The following ZBTB44 variants were observed in gnomAD, a reference collection of about 807,000 sequenced individuals.
The protein encoded by ZBTB44 is zinc finger and BTB domain-containing protein 44.
Under a neutral mutation model 54.0 loss-of-function variants are expected in ZBTB44, and 15 were observed. The ratio of observed to expected loss-of-function variants is 0.28; its 90% CI spans 0.19 to 0.43. The LOEUF is 0.43. Among genes scored for constraint, ZBTB44 ranks in the 20% least tolerant of loss-of-function variants. ZBTB44 has a pLI of 1.00. For synonymous variants in ZBTB44, 230 were observed against 250.1 expected, an observed-to-expected ratio of 0.92 and a Z score of 0.76; for missense variants, 487 against 707.1, an observed-to-expected ratio of 0.69 and a Z score of 3.53.
At chr11:130,271,262 G>A (rs926163926) in intron 1 of ZBTB44, among the ~76,000 whole-genome samples, 3 of 152,174 alleles carry the variant, frequency 2.0e-5, no homozygotes, top group African/African-American at 7.2e-5. Flanking sequence ...AGTATGAAAT[G>A]ATAATGTACT....
intron 2 of ZBTB44, among the ~76,000 whole-genome samples, chr11:130,255,830 G>C (rs1448423274): frequency 7.3e-6 from 1 of 137,318 alleles, no homozygotes; most frequent in Non-Finnish European, 1.5e-5. Flanking sequence ...ACCCTCCCAA[G>C]ACTAAACTAG....
chr11:130,253,988 ATGGTGC>A (rs1330587158), intron 2 of ZBTB44, among the ~76,000 whole-genome samples: 1 of 152,250 alleles, frequency 6.6e-6, no homozygotes, highest in Non-Finnish European at 1.5e-5. Context: ...TATTTAATAA[ATGGTGC>A]TGGGAAAACT....
At chr11:130,284,723 C>T (rs1037418369) in intron 1 of ZBTB44, among the ~76,000 whole-genome samples, 4 of 152,038 alleles carry the variant, frequency 2.6e-5, no homozygotes, top group Non-Finnish European at 5.9e-5. Context: ...AAAATTTAGC[C>T]GACGTGGTGG....
At chr11:130,280,643 T>C (rs555896067) in intron 1 of ZBTB44, among the ~76,000 whole-genome samples, 2 of 152,228 alleles carry the variant, frequency 1.3e-5, no homozygotes, top group Non-Finnish European at 2.9e-5. Flanking sequence ...GTCTTTCTAA[T>C]GTATGTTCTC....
At chr11:130,277,721 G>A (rs1940210029) in intron 1 of ZBTB44, among the ~76,000 whole-genome samples, 1 of 151,426 alleles carries the variant, frequency 6.6e-6, no homozygotes, top group African/African-American at 2.4e-5. Context: ...ATTTTTTTGT[G>A]TGCATTCAAA....
chr11:130,237,807 C>T (rs920676844), intron 4 of ZBTB44, among the ~76,000 whole-genome samples: 4 of 152,132 alleles, frequency 2.6e-5, no homozygotes, highest in African/African-American at 4.8e-5. Flanking sequence ...TAGTAACTCA[C>T]GCAGCTGAAA....
At chr11:130,232,918 G>A (rs1283213167) in intron 7 of ZBTB44, 1 of 160,408 alleles carries the variant, frequency 6.2e-6, no homozygotes. Flanking sequence ...CAGGAGAATG[G>A]CCTGAGCCCA....
chr11:130,282,070 C>T (rs76977485), intron 1 of ZBTB44, among the ~76,000 whole-genome samples: 3,291 of 152,126 alleles, frequency 0.022, 93 homozygotes, highest in African/African-American at 0.066. Flanking sequence ...AACATAACAC[C>T]CTATTATAAA....
chr11:130,295,204 G>C (rs1941566941), intron 1 of ZBTB44, among the ~76,000 whole-genome samples: 1 of 152,124 alleles, frequency 6.6e-6, no homozygotes, highest in African/African-American at 2.4e-5. Flanking sequence ...ATGCAGATGT[G>C]TCTGAAGAAA....
chr11:130,285,965 T>C (rs1055843248), intron 1 of ZBTB44: 1 of 150,258 alleles, frequency 6.7e-6, no homozygotes, highest in Non-Finnish European at 1.5e-5. Flanking sequence ...CTTGTTTCTA[T>C]AAAGGAACTG....
intron 2 of ZBTB44, among the ~76,000 whole-genome samples, chr11:130,250,205 C>A (rs564311865): frequency 9.9e-5 from 15 of 152,182 alleles, no homozygotes; most frequent in Admixed American, 3.3e-4. Context: ...GGCCAGACTG[C>A]CTCTTTAGAT....
intron 1 of ZBTB44, among the ~76,000 whole-genome samples, chr11:130,264,355 G>T (rs1175699666): frequency 6.6e-6 from 1 of 152,112 alleles, no homozygotes; most frequent in Middle Eastern, 3.2e-3. Flanking sequence ...AAGAGAGAAA[G>T]AAAGAAAAAG....
At chr11:130,281,516 A>AAAATAAATAAATAAATAAAT (rs58860118) in intron 1 of ZBTB44, among the ~76,000 whole-genome samples, 9 of 138,842 alleles carry the variant, frequency 6.5e-5, no homozygotes, top group African/African-American at 1.7e-4. Context: ...ACCCTGTCTC[A>AAAATAAATAAATAAATAAAT]AAATAAATAA....
intron 1 of ZBTB44, among the ~76,000 whole-genome samples, chr11:130,262,958 C>T (rs952979275): frequency 2.6e-5 from 4 of 152,084 alleles, no homozygotes; most frequent in Non-Finnish European, 4.4e-5. Context: ...CTATTCGGGA[C>T]GCTGATGTGG....
intron 1 of ZBTB44, chr11:130,310,150 A>T (rs1942504716): frequency 6.6e-6 from 1 of 151,748 alleles, no homozygotes; most frequent in South Asian, 2.1e-4. Context: ...AGAATCTATC[A>T]CTATTTTAAA....
chr11:130,284,011 G>A (rs1351820103), intron 1 of ZBTB44, among the ~76,000 whole-genome samples: 1 of 134,214 alleles, frequency 7.5e-6, no homozygotes, highest in African/African-American at 3.0e-5. Flanking sequence ...CAAGCAGCTG[G>A]GCACGGTGGC....
intron 2 of ZBTB44, 125 bp downstream of exon 2, chr11:130,260,731 G>C: frequency 8.9e-7 from 1 of 1,125,996 alleles, no homozygotes; most frequent in Non-Finnish European, 1.2e-6. Flanking sequence ...AGCAAATCCA[G>C]TTACCATGTT....
chr11:130,290,573 A>C (rs182993985), intron 1 of ZBTB44, among the ~76,000 whole-genome samples: 1 of 152,228 alleles, frequency 6.6e-6, no homozygotes, highest in African/African-American at 2.4e-5. Context: ...CCTTGCCTTC[A>C]GTCTCACCGG....
intron 1 of ZBTB44, among the ~76,000 whole-genome samples, chr11:130,308,628 C>G (rs534847370): frequency 1.3e-3 from 203 of 152,310 alleles, no homozygotes; most frequent in Non-Finnish European, 4.4e-5. Context: ...TTATTATCAA[C>G]ACTGTATTAG....
Sources: allele counts gnomAD v4.1 joint callset (sites outside exome capture counted in the v4.1 genomes callset), GRCh38; gene constraint gnomAD v4.1.1; transcripts MANE v1.5; gene names NCBI Gene and HGNC (gene_info 2026-07-23, HGNC 2026-07-21).